The following CPED1 variants were observed in gnomAD, a reference collection of about 807,000 sequenced individuals.
The protein encoded by CPED1 is cadherin like and PC-esterase domain containing 1, also known as cadherin-like and PC-esterase domain-containing protein 1.
Under a neutral mutation model 128.2 loss-of-function variants are expected in CPED1, and 114 were observed. That is an observed-to-expected ratio of 0.89 (90% CI 0.76 to 1.04). The LOEUF (loss-of-function observed/expected upper bound fraction) is 1.04. Among genes scored for constraint, CPED1 ranks in the 50% least tolerant of loss-of-function variants. CPED1 has a pLI of 0.00. For synonymous variants in CPED1, 462 were observed against 426.7 expected (o/e 1.08, Z -1.02); for missense variants, 1,211 against 1,207.1 (o/e 1.00, Z -0.05).
At chr7:121,281,688 G>A (rs946042157) in intron 22 of CPED1, among the ~76,000 whole-genome samples, 9 of 152,082 alleles carry the variant, frequency 5.9e-5, no homozygotes, top group African/African-American at 2.2e-4. Context: ...ACTCCATTTA[G>A]CTCCAAAATT....
At chr7:120,997,849 G>C (rs530806587) in intron 2 of CPED1, among the ~76,000 whole-genome samples, 143 of 151,844 alleles carry the variant, frequency 9.4e-4, no homozygotes, top group African/African-American at 3.4e-3. Flanking sequence ...TTGAACCCAG[G>C]AGGCAGAGGT....
intron 16 of CPED1, among the ~76,000 whole-genome samples, chr7:121,159,555 T>C (rs1419558466): frequency 6.6e-6 from 1 of 152,214 alleles, no homozygotes; most frequent in Non-Finnish European, 1.5e-5. Context: ...CAAAAGTATT[T>C]TTAAATGAAC....
At chr7:121,248,462 T>C (rs1004100462) in intron 18 of CPED1, among the ~76,000 whole-genome samples, 1 of 152,028 alleles carries the variant, frequency 6.6e-6, no homozygotes, top group Non-Finnish European at 1.5e-5. Context: ...GGCTGCAAAC[T>C]TGAATAAATA....
chr7:121,295,396 T>C, intron 22 of CPED1, 44 bp from the exon 23 acceptor site: 2 of 1,567,466 alleles, frequency 1.3e-6, no homozygotes, highest in Non-Finnish European at 1.7e-6. Flanking sequence ...AGGGATTGGA[T>C]ATTCTTGATT....
At chr7:121,060,820 C>CT (rs1354636567) in intron 4 of CPED1, among the ~76,000 whole-genome samples, 1 of 152,194 alleles carries the variant, frequency 6.6e-6, no homozygotes, top group Non-Finnish European at 1.5e-5. Context: ...AAGCTTTGTT[C>CT]TTTTGCGCTT....
chr7:121,087,307 C>G (rs560484199), intron 5 of CPED1, among the ~76,000 whole-genome samples: 55 of 152,188 alleles, frequency 3.6e-4, no homozygotes, highest in Non-Finnish European at 7.8e-4. Context: ...CACTAAAACA[C>G]TATCCTGCCC....
intron 22 of CPED1, among the ~76,000 whole-genome samples, chr7:121,290,139 A>G (rs1792665067): frequency 6.6e-6 from 1 of 152,144 alleles, no homozygotes; most frequent in Non-Finnish European, 1.5e-5. Flanking sequence ...CATGAAACTC[A>G]TCCTTTTTTA....
At chr7:120,992,739 T>C (rs556430003) in intron 2 of CPED1, among the ~76,000 whole-genome samples, 148 of 152,228 alleles carry the variant, frequency 9.7e-4, no homozygotes, top group Non-Finnish European at 1.9e-3. Flanking sequence ...TGGATCAGAG[T>C]TTTTATTCAT....
At chr7:120,997,270 G>C (rs1195891181) in intron 2 of CPED1, among the ~76,000 whole-genome samples, 2 of 152,216 alleles carry the variant, frequency 1.3e-5, no homozygotes, top group Non-Finnish European at 2.9e-5. Flanking sequence ...TAGAATGTTA[G>C]AACTGCAAAT....
intron 16 of CPED1, among the ~76,000 whole-genome samples, chr7:121,235,094 A>C (rs149494578): frequency 2.0e-5 from 3 of 152,080 alleles, no homozygotes; most frequent in African/African-American, 7.2e-5. Flanking sequence ...CTAACATTTC[A>C]TATAAAAATA....
chr7:121,108,980 A>C (rs1164892935), intron 7 of CPED1, among the ~76,000 whole-genome samples: 1 of 152,146 alleles, frequency 6.6e-6, no homozygotes, highest in East Asian at 1.9e-4. Context: ...ATTACTGTAC[A>C]GTTAGAGCTG....
chr7:121,062,789 C>G lies in CPED1; in HGVS notation c.541-1449C>G, dbSNP rs555660388. 3 of 152,182 alleles carry G rather than the reference C, an allele frequency of 2.0e-5. No individual in the cohort carries two copies. In the East Asian group the frequency reaches 5.8e-4, roughly 29 times the overall value. 9.4% of individuals were successfully genotyped at this position (152,182 alleles called of 1,614,324 possible). On this transcript the variant is annotated intron_variant, in intron 4 of 22. Coordinates refer to ENST00000310396, the MANE Select transcript of CPED1 (RefSeq NM_024913.5). ...TAATTGAATCATGGGTGCGGTTTCC[C>G]CCATCCTATTCTCGTGGTAGTGAGT...
At chr7:121,273,797 A>G (rs947714174) in intron 22 of CPED1, among the ~76,000 whole-genome samples, 1 of 152,148 alleles carries the variant, frequency 6.6e-6, no homozygotes, top group African/African-American at 2.4e-5. Context: ...TGTCTTCCAC[A>G]AGAAAATATA....
chr7:121,295,910 C>A lies in CPED1; in HGVS notation c.*258C>A. On this transcript the variant is annotated 3_prime_UTR_variant, in exon 23 of 23. Coordinates refer to ENST00000310396, the MANE Select transcript of CPED1 (RefSeq NM_024913.5). ...ATACCTAGAGAAACGTTACTTGAAG[C>A]ATAATTATTAACCAGAACCACTGTG... 1 of 345,620 alleles carries A rather than the reference C, an allele frequency of 2.9e-6. No homozygotes were observed. The allele number at this position is 345,620 out of a possible 1,614,324, so 21.4% of individuals were successfully genotyped here.
intron 2 of CPED1, among the ~76,000 whole-genome samples, chr7:120,997,215 A>G (rs948431884): frequency 6.6e-6 from 1 of 152,276 alleles, no homozygotes; most frequent in African/African-American, 2.4e-5. Flanking sequence ...AACATCCCTA[A>G]TAAAACTTAT....
intron 5 of CPED1, among the ~76,000 whole-genome samples, chr7:121,066,955 T>A (rs1793843616): frequency 6.6e-6 from 1 of 152,080 alleles, no homozygotes; most frequent in Admixed American, 6.6e-5. Flanking sequence ...AATCTAAAGA[T>A]GACTTAAAAT....
At chr7:121,040,832 A>ATT in intron 3 of CPED1, among the ~76,000 whole-genome samples, 1 of 152,184 alleles carries the variant, frequency 6.6e-6, no homozygotes, top group African/African-American at 2.4e-5. Flanking sequence ...ATGATAGTTT[A>ATT]ATATCGTGAA....
chr7:121,187,071 G>T (rs551852455), intron 16 of CPED1, among the ~76,000 whole-genome samples: 20 of 152,250 alleles, frequency 1.3e-4, no homozygotes, highest in African/African-American at 4.1e-4. Flanking sequence ...GAATATAAAG[G>T]CCATCAAAGT....
At chr7:121,060,541 A>G (rs1337887298) in intron 4 of CPED1, among the ~76,000 whole-genome samples, 1 of 152,228 alleles carries the variant, frequency 6.6e-6, no homozygotes, top group Non-Finnish European at 1.5e-5. Context: ...TGAATGCACC[A>G]GTCCACTCTG....
Sources: gnomAD v4.1 joint callset for allele counts (sites outside exome capture counted in the v4.1 genomes callset) on GRCh38, gnomAD v4.1.1 for gene constraint, MANE v1.5 for transcripts, NCBI Gene and HGNC (gene_info 2026-07-23, HGNC 2026-07-21) for gene names.